ADAM32: variants seen among roughly 807,000 people sequenced by gnomAD.
ADAM32 encodes the protein ADAM metallopeptidase domain 32, also known as disintegrin and metalloproteinase domain-containing protein 32.
ADAM32 carries 89 observed loss-of-function variants against 114.9 expected under a neutral mutation model. That is an observed-to-expected ratio of 0.77 (90% CI 0.65 to 0.92). The LOEUF (loss-of-function observed/expected upper bound fraction) is 0.92. ADAM32 is among the 40% of genes least tolerant of loss of function. The probability of loss-of-function intolerance (pLI) is 0.00; values close to 1 mark genes in which losing one functional copy is unlikely to be tolerated. For synonymous variants in ADAM32, 285 were observed against 307.5 expected (o/e 0.93, Z 0.77); for missense variants, 870 against 932.8 (o/e 0.93, Z 0.88).
At chr8:39,205,100 T>A (rs1378270722) in intron 11 of ADAM32, among the ~76,000 whole-genome samples, 1 of 152,208 alleles carries the variant, frequency 6.6e-6, no homozygotes, top group Admixed American at 6.5e-5. Context: ...AGGCAGTCTG[T>A]CTGTTCTCCG....
intron 6 of ADAM32, among the ~76,000 whole-genome samples, chr8:39,155,520 A>G (rs1271554509): frequency 2.0e-5 from 3 of 152,212 alleles, no homozygotes; most frequent in Non-Finnish European, 1.5e-5. Flanking sequence ...AAAATAGTCA[A>G]TGGATGGATT....
intron 1 of ADAM32, among the ~76,000 whole-genome samples, chr8:39,112,322 T>C (rs746314410): frequency 6.6e-6 from 1 of 152,210 alleles, no homozygotes; most frequent in Non-Finnish European, 1.5e-5. Context: ...AATCATTTTA[T>C]TTTTTCTATA....
intron 21 of ADAM32, among the ~76,000 whole-genome samples, chr8:39,274,571 A>G (rs965952409): frequency 2.0e-5 from 3 of 152,254 alleles, no homozygotes; most frequent in Non-Finnish European, 4.4e-5. Flanking sequence ...AACAAGGAAT[A>G]AAATAGCTGA....
chr8:39,194,808 C>T (rs571021180), intron 11 of ADAM32, among the ~76,000 whole-genome samples: 4 of 152,248 alleles, frequency 2.6e-5, no homozygotes, highest in South Asian at 2.1e-4. Context: ...AAGTCTCGTA[C>T]GGAAGGAAGT....
At chr8:39,284,054 G>A (rs1247231352) in intron 24 of ADAM32, among the ~76,000 whole-genome samples, 3 of 152,112 alleles carry the variant, frequency 2.0e-5, no homozygotes, top group Admixed American at 2.0e-4. Flanking sequence ...GATTACAGGC[G>A]TGAGCCATCA....
chr8:39,207,767 CA>C (rs2129448183), intron 11 of ADAM32, among the ~76,000 whole-genome samples: 1 of 152,236 alleles, frequency 6.6e-6, no homozygotes, highest in Admixed American at 6.5e-5. Context: ...TTTATGAAAT[CA>C]ACTTTTTTTA....
chr8:39,228,879 A>G (rs1809558364), intron 14 of ADAM32, among the ~76,000 whole-genome samples: 1 of 152,248 alleles, frequency 6.6e-6, no homozygotes. Context: ...GCACATTGTC[A>G]TCAGGTTTTC....
chr8:39,145,927 C>T (rs763468434), intron 3 of ADAM32, among the ~76,000 whole-genome samples: 4 of 152,140 alleles, frequency 2.6e-5, no homozygotes, highest in East Asian at 1.9e-4. Flanking sequence ...GATGAGGTTT[C>T]GCCTTGTTAC....
chr8:39,172,665 G>C (rs1017153486), intron 10 of ADAM32, among the ~76,000 whole-genome samples: 7 of 151,836 alleles, frequency 4.6e-5, no homozygotes, highest in African/African-American at 9.7e-5. Flanking sequence ...TCCTTTTTTC[G>C]ACTGCATACA....
Position 39,278,848 on chromosome 8 carries a change from A to G in ADAM32, c.2280-2288A>G, listed in dbSNP as rs557835627. On this transcript the variant is annotated intron_variant, in intron 22 of 24. Transcript: ENST00000379907. ...CAACATTTGTGTTAAATGCCTGAAC[A>G]TGCTTTTTTTATCCACACTGAATTT... Among the ~76,000 whole-genome samples the G allele has an allele frequency of 9.9e-5, 15 of 152,228 alleles. No individual in the cohort carries two copies. The South Asian group carries it at 2.5e-3, about 25-fold the overall frequency.
At chr8:39,127,367 G>T (rs1032623374) in intron 2 of ADAM32, among the ~76,000 whole-genome samples, 1 of 152,078 alleles carries the variant, frequency 6.6e-6, no homozygotes, top group African/African-American at 2.4e-5. Context: ...CTTGTTATTG[G>T]TCTATTCAGG....
intron 1 of ADAM32, chr8:39,108,097 A>G (rs1840002630): frequency 7.2e-6 from 3 of 414,916 alleles, no homozygotes; most frequent in African/African-American, 2.1e-5. Flanking sequence ...AGCTTGGGCA[A>G]CACAGCAAGA....
At chr8:39,235,902 GGTTATGCT>G (rs1403527882) in intron 16 of ADAM32, among the ~76,000 whole-genome samples, 1 of 152,100 alleles carries the variant, frequency 6.6e-6, no homozygotes, top group Non-Finnish European at 1.5e-5. Flanking sequence ...ATCTGAAGAA[GGTTATGCT>G]GTGCTTTAAT....
intron 11 of ADAM32, among the ~76,000 whole-genome samples, chr8:39,197,023 T>C (rs1405521000): frequency 6.6e-6 from 1 of 152,160 alleles, no homozygotes; most frequent in East Asian, 1.9e-4. Context: ...TCATTACTTG[T>C]TATTAGATTG....
chr8:39,253,041 A>T (rs1230876480), intron 17 of ADAM32, among the ~76,000 whole-genome samples: 1 of 151,750 alleles, frequency 6.6e-6, no homozygotes, highest in Admixed American at 6.6e-5. Flanking sequence ...CATGCATGCA[A>T]AAATTTACAG....
In ADAM32 at chr8:39,136,699, A is replaced by G. The variant is rs751269626; in HGVS notation, c.181A>G (p.Thr61Ala). 4.5e-6 allele frequency: 7 copies of G among 1,539,678 alleles called. No homozygotes were observed. In the South Asian group the frequency reaches 8.7e-5, roughly 19 times the overall value. The change falls in exon 3 of 25, where the codon ACT becomes GCT. Residue 61 changes from threonine (T) to alanine (A), a missense_variant. Coordinates refer to ENST00000379907, the MANE Select transcript of ADAM32 (RefSeq NM_145004.7). ...TATTCCAATAGATGAGAAACTGTAC[A>G]CTGTGCACCTTAAACAAAGGTAAAT... Reference protein sequence around the residue: ...YIIPIDEKLYTVHLKQRYFLA... With the variant: ...YIIPIDEKLYAVHLKQRYFLA...
At chr8:39,234,379 G>A (rs117049364) in intron 16 of ADAM32, among the ~76,000 whole-genome samples, 3,921 of 151,762 alleles carry the variant, frequency 0.026, 70 homozygotes, top group Non-Finnish European at 0.042. Context: ...TCATAGCATG[G>A]GAACTTGCTT....
chr8:39,141,985 CTG>C (rs1185593560), intron 3 of ADAM32, among the ~76,000 whole-genome samples: 1 of 152,148 alleles, frequency 6.6e-6, no homozygotes, highest in Non-Finnish European at 1.5e-5. Context: ...GGTTTAAAGT[CTG>C]TTTTATCAGA....
chr8:39,281,259 A>G, intron 23 of ADAM32, 85 bp downstream of exon 23: 2 of 805,906 alleles, frequency 2.5e-6, no homozygotes, highest in Non-Finnish European at 3.5e-6. Context: ...ATAATTGCTC[A>G]ACATTTTTTG....
Sources: allele counts gnomAD v4.1 joint callset (sites outside exome capture counted in the v4.1 genomes callset), GRCh38; gene constraint gnomAD v4.1.1; transcripts MANE v1.5; gene names NCBI Gene and HGNC (gene_info 2026-07-23, HGNC 2026-07-21).